The following MIER2 variants were observed in gnomAD, a reference collection of about 807,000 sequenced individuals.
MIER2 encodes MIER family member 2.
Under a neutral mutation model 67.6 loss-of-function variants are expected in MIER2, and 30 were observed. That is an observed-to-expected ratio of 0.44 (90% CI 0.33 to 0.60). The LOEUF is 0.60. Ranked by LOEUF, MIER2 falls within the 20% of genes least tolerant of loss-of-function variation. The pLI is 0.02. For missense variants in MIER2, 702 were observed against 745.1 expected (o/e 0.94, Z 0.67); for synonymous variants, 372 against 312.6 (o/e 1.19, Z -2.00).
At chr19:310,096 T>C (rs72984410) in intron 10 of MIER2, among the ~76,000 whole-genome samples, 7,729 of 118,716 alleles carry the variant, frequency 0.065, 1,182 homozygotes, top group African/African-American at 0.17. Flanking sequence ...ACAGCAAGTG[T>C]GTTCCATGTG....
intron 7 of MIER2, among the ~76,000 whole-genome samples, chr19:322,717 G>C (rs1315960831): frequency 6.6e-6 from 1 of 151,688 alleles, no homozygotes; most frequent in Non-Finnish European, 1.5e-5. Flanking sequence ...CAAATCATTA[G>C]TGAGAAACTC....
chr19:311,449 G>T (rs961650374), intron 10 of MIER2, among the ~76,000 whole-genome samples: 3 of 152,210 alleles, frequency 2.0e-5, no homozygotes, highest in Admixed American at 6.5e-5. Context: ...GTCCCTGGAG[G>T]AGGGAACCAG....
At chr19:316,931 T>C (rs892644313) in intron 7 of MIER2, among the ~76,000 whole-genome samples, 4 of 152,072 alleles carry the variant, frequency 2.6e-5, no homozygotes, top group African/African-American at 9.7e-5. Context: ...ATCACACCAC[T>C]GTACTCCAGC....
chr19:326,806 C>T (rs112601595), intron 5 of MIER2: 5 of 590,244 alleles, frequency 8.5e-6, no homozygotes, highest in African/African-American at 7.5e-5. Flanking sequence ...AGCTGCTGCA[C>T]CTCTGGGCCC....
In MIER2 at chr19:327,983, C is replaced by T. The variant is rs927421821; in HGVS notation, c.250G>A (p.Asp84Asn). 8.7e-6 allele frequency: 14 copies of T among 1,613,036 alleles called. No individual in the cohort carries two copies. Among genetic ancestry groups the T allele is most frequent in the East Asian group, 4.5e-5 (2 of 44,676 alleles). Residue 84 changes from aspartate to asparagine, a missense_variant, in exon 4 of 14, where the codon GAC becomes AAC. Around this residue, in one of 3 missense-constraint regions of MIER2, gnomAD observed 320 missense variants for 292.6 expected, o/e 1.09. Coordinates refer to ENST00000264819, the MANE Select transcript of MIER2 (RefSeq NM_017550.3). Reference protein sequence around the residue: ...LEKDFISQSNDMPFDELLALY... With the variant: ...LEKDFISQSNNMPFDELLALY... Reference sequence around the variant, plus strand: ...GCAAGCAGCTCATCAAAGGGCATGTCGTTGCTCTGAGTTGGGGAAGGGAAC... The same window carrying T: ...GCAAGCAGCTCATCAAAGGGCATGTTGTTGCTCTGAGTTGGGGAAGGGAAC...
chr19:332,125 A>G (rs917857294), intron 3 of MIER2, among the ~76,000 whole-genome samples: 1 of 151,898 alleles, frequency 6.6e-6, no homozygotes, highest in Non-Finnish European at 1.5e-5. Flanking sequence ...TTAACATGTC[A>G]CTGATTTATT....
At chr19:340,050 G>A (rs1972433728) in intron 1 of MIER2, among the ~76,000 whole-genome samples, 1 of 152,128 alleles carries the variant, frequency 6.6e-6, no homozygotes, top group Admixed American at 6.5e-5. Context: ...TGTGTAGTAA[G>A]AATTTCAATA....
At chr19:313,422 CT>C in intron 8 of MIER2, 69 bp downstream of exon 8, 1 of 1,568,512 alleles carries the variant, frequency 6.4e-7, no homozygotes, top group Non-Finnish European at 8.6e-7. Flanking sequence ...CCTGGAGGCA[CT>C]GGGGTGTGAG....
At position 327,078 on chromosome 19, in the gene MIER2, C is replaced by A. The variant is rs112092936; in HGVS notation, c.493+55G>T. ...CCCAAGGACCCTTCATCAAGCATCA[C>A]GACTGCCTGGCAGGGGGCCTGGCTG... On this transcript the variant is annotated intron_variant, in intron 5 of 13. Transcript: ENST00000264819. 696 of 1,544,666 alleles carry A rather than the reference C, an allele frequency of 4.5e-4. 3 individuals are homozygous for A. The African/African-American group carries it at 8.5e-3, about 19-fold the overall frequency.
intron 7 of MIER2, among the ~76,000 whole-genome samples, chr19:314,609 C>A (rs943454948): frequency 6.6e-6 from 1 of 152,128 alleles, no homozygotes; most frequent in African/African-American, 2.4e-5. Context: ...CCCCACCAAG[C>A]AGGGGCCTCT....
intron 1 of MIER2, among the ~76,000 whole-genome samples, chr19:336,379 G>A (rs565031924): frequency 1.0e-3 from 154 of 152,376 alleles, no homozygotes; most frequent in African/African-American, 3.5e-3. Context: ...ACCAAGGACC[G>A]CTCACAGGGT....
At chr19:310,567 T>C (rs534977466) in intron 10 of MIER2, among the ~76,000 whole-genome samples, 8 of 150,548 alleles carry the variant, frequency 5.3e-5, no homozygotes, top group African/African-American at 1.7e-4. Flanking sequence ...GGCCCGGAGC[T>C]ATAGAAACAC....
chr19:315,016 T>C lies in MIER2; in HGVS notation c.656-1373A>G, dbSNP rs986596616. Among the ~76,000 whole-genome samples, 3 of 151,944 alleles carry C rather than the reference T, an allele frequency of 2.0e-5. 1 individual carries two copies. The highest frequency in any genetic ancestry group is 1.9e-4 in the East Asian group (1 of 5,170). On this transcript the variant is annotated intron_variant, in intron 7 of 13. Transcript: ENST00000264819. Reference sequence around the variant, plus strand: ...AGGTCGAGGTTGCAATGAGCCATGATTGCACCACTGCACTCCAGCCTGGGA... The same window carrying C: ...AGGTCGAGGTTGCAATGAGCCATGACTGCACCACTGCACTCCAGCCTGGGA...
At chr19:341,305 G>A (rs1972490306) in intron 1 of MIER2, among the ~76,000 whole-genome samples, 2 of 151,982 alleles carry the variant, frequency 1.3e-5, no homozygotes, top group African/African-American at 4.8e-5. Context: ...CCGCAGGCTT[G>A]AGATCCACAC....
chr19:344,289 C>T (rs1972638030), intron 1 of MIER2: 12 of 985,024 alleles, frequency 1.2e-5, no homozygotes, highest in Non-Finnish European at 1.4e-5. Context: ...TCGCGGGCGG[C>T]GGAGGCGCGG....
Position 307,829 on chromosome 19 carries a change from G to A in MIER2, c.1199-293C>T, listed in dbSNP as rs140181248. 5.3e-5 allele frequency among the ~76,000 whole-genome samples: 8 copies of A among 152,154 alleles called. No individual in the cohort carries two copies. In the East Asian group the frequency reaches 1.4e-3, roughly 26 times the overall value. ...AAACAATGCCGGGGGCACTGCAGAG[G>A]GTAAATACAGGGTCTGTGGAATACA... On this transcript the variant is annotated intron_variant, in intron 12 of 13. Coordinates refer to ENST00000264819, the MANE Select transcript of MIER2 (RefSeq NM_017550.3).
chr19:310,619 C>CGGCCGGG (rs1568216631), intron 10 of MIER2, among the ~76,000 whole-genome samples: 4 of 59,662 alleles, frequency 6.7e-5, no homozygotes, highest in African/African-American at 2.4e-4. Context: ...TATAGAAACA[C>CGGCCGGG]AGCCCGGAGC....
At chr19:311,080 C>T (rs1317119784) in intron 10 of MIER2, among the ~76,000 whole-genome samples, 1 of 152,258 alleles carries the variant, frequency 6.6e-6, no homozygotes, top group African/African-American at 2.4e-5. Context: ...CACCCAAGCC[C>T]TTCAGTGGAC....
At chr19:344,070 A>G (rs914224377) in intron 1 of MIER2, 2 of 985,434 alleles carry the variant, frequency 2.0e-6, no homozygotes, top group Non-Finnish European at 2.4e-6. Context: ...CATTTCAGAT[A>G]AAGGGTCCCG....
Sources: gnomAD v4.1 joint callset for allele counts (sites outside exome capture counted in the v4.1 genomes callset) on GRCh38, gnomAD v4.1.1 for gene constraint, gnomAD v4.1.1 regional missense constraint, MANE v1.5 for transcripts, NCBI Gene and HGNC (gene_info 2026-07-23, HGNC 2026-07-21) for gene names.